Variants in TRIT1 observed in about 807,000 individuals in gnomAD.
The protein encoded by TRIT1 is tRNA dimethylallyltransferase.
Under a neutral mutation model 51.2 loss-of-function variants are expected in TRIT1, and 43 were observed. The ratio of observed to expected loss-of-function variants is 0.84; its 90% CI spans 0.66 to 1.08. TRIT1 has a LOEUF of 1.08. Among genes scored for constraint, TRIT1 ranks in the 50% least tolerant of loss-of-function variants. The pLI is 0.00. For missense variants in TRIT1, 528 were observed against 578.4 expected, an observed-to-expected ratio of 0.91 and a Z score of 0.89; for synonymous variants, 184 against 203.9, an observed-to-expected ratio of 0.90 and a Z score of 0.83.
intron 1 of TRIT1, among the ~76,000 whole-genome samples, chr1:39,879,292 C>G (rs1489228959): frequency 6.6e-6 from 1 of 151,808 alleles, no homozygotes; most frequent in Non-Finnish European, 1.5e-5. Flanking sequence ...AAAAAACTCC[C>G]TACTGATTGA....
chr1:39,844,071 G>A (rs769362318), intron 10 of TRIT1, 30 bp downstream of exon 10: 1 of 1,524,276 alleles, frequency 6.6e-7, no homozygotes, highest in Non-Finnish European at 9.1e-7. Flanking sequence ...CACCCTTATA[G>A]ATTTCTTCAT....
intron 1 of TRIT1, among the ~76,000 whole-genome samples, chr1:39,869,228 G>C (rs930059823): frequency 2.0e-5 from 3 of 152,154 alleles, no homozygotes; most frequent in Admixed American, 6.5e-5. Flanking sequence ...TCAGCCTGCC[G>C]AGTGCCTGGG....
At chr1:39,852,975 G>A (rs755287362) in intron 3 of TRIT1, 99 bp from the exon 4 acceptor site, 10 of 1,342,216 alleles carry the variant, frequency 7.5e-6, no homozygotes, top group Admixed American at 2.1e-5. Context: ...AGAATAATCA[G>A]AAGATCTTGC....
chr1:39,883,211 C>T (rs919969677), intron 1 of TRIT1, 107 bp downstream of exon 1: 2 of 1,234,790 alleles, frequency 1.6e-6, no homozygotes, highest in Non-Finnish European at 2.2e-6. Context: ...TTTACCTACC[C>T]CCTCCGCCCC....
Position 39,854,848 on chromosome 1 carries a change from AT to A in TRIT1, c.316-781del, listed in dbSNP as rs898379496. On this transcript the variant is annotated intron_variant, in intron 2 of 10. Coordinates refer to ENST00000316891, the MANE Select transcript of TRIT1 (RefSeq NM_017646.6). ...AAGGCGGCCTTTGCTCCTGAGAATAATTTTTTTTTTTGAGACAGGGTCTCAC... is the reference window on the plus strand; with the variant it reads ...AAGGCGGCCTTTGCTCCTGAGAATAATTTTTTTTTTGAGACAGGGTCTCAC... Among the ~76,000 whole-genome samples the A allele has an allele frequency of 3.3e-3, 485 of 148,408 alleles. 4 individuals carry two copies. Among genetic ancestry groups the A allele is most frequent in the African/African-American group, 0.011 (444 of 40,610 alleles).
intron 1 of TRIT1, among the ~76,000 whole-genome samples, chr1:39,868,557 T>C (rs1643676484): frequency 6.7e-6 from 1 of 149,178 alleles, no homozygotes; most frequent in Non-Finnish European, 1.5e-5. Flanking sequence ...GGCAGGAGAA[T>C]CACTTGAACC....
chr1:39,848,020 T>C lies in TRIT1; in HGVS notation c.781A>G (p.Arg261Gly), dbSNP rs771577841. 1 of 1,614,168 alleles carries C rather than the reference T, an allele frequency of 6.2e-7. No individual in the cohort carries two copies. The highest frequency in any genetic ancestry group is 8.5e-7 in the Non-Finnish European group (1 of 1,180,014). Reference protein sequence around the residue: ...GLLEELRDFHRRYNQKNVSEN... With the variant: ...GLLEELRDFHGRYNQKNVSEN... ...GAAACATTCTTCTGATTATAGCGTCTGTGAAAATCTCTTAGTTCCTCCAAG... is the reference window on the plus strand; with the variant it reads ...GAAACATTCTTCTGATTATAGCGTCCGTGAAAATCTCTTAGTTCCTCCAAG... The change falls in exon 6 of 11, where the codon AGA becomes GGA. Residue 261 changes from arginine (R) to glycine (G), a missense_variant. By Grantham distance (125) the Arg-to-Gly change is moderately radical (BLOSUM62 -2). Around this residue, in one of 3 missense-constraint regions of TRIT1, gnomAD observed 468 missense variants for 522.6 expected, o/e 0.90. Coordinates refer to ENST00000316891, the MANE Select transcript of TRIT1 (RefSeq NM_017646.6).
chr1:39,844,489 T>C, intron 9 of TRIT1, 42 bp downstream of exon 9: 1 of 1,509,528 alleles, frequency 6.6e-7, no homozygotes, highest in Non-Finnish European at 9.2e-7. Flanking sequence ...ATGAAAGTGC[T>C]CTGAAAACCA....
chr1:39,842,990 G>A (rs1168769824), intron 10 of TRIT1, among the ~76,000 whole-genome samples: 1 of 152,168 alleles, frequency 6.6e-6, no homozygotes. Context: ...CACACATGTT[G>A]CTTCTCTAAG....
At chr1:39,843,132 G>A (rs1057134160) in intron 10 of TRIT1, among the ~76,000 whole-genome samples, 1 of 152,122 alleles carries the variant, frequency 6.6e-6, no homozygotes, top group African/African-American at 2.4e-5. Flanking sequence ...TGCTGGTTGG[G>A]CAATCACAGC....
rs1387649757 is a variant in TRIT1 at position 39,883,464 on chromosome 1, C to T, written c.28G>A (p.Val10Ile). The change falls in exon 1 of 11, where the codon GTT becomes ATT. Residue 10 changes from valine (V) to isoleucine (I), a missense_variant. Around this residue, in one of 3 missense-constraint regions of TRIT1, gnomAD observed 55 missense variants for 37.0 expected, o/e 1.49. Transcript: ENST00000316891. MASVAAARAVPVGSGLRGLQ... is the reference protein window; with the variant it reads MASVAAARAIPVGSGLRGLQ... ...CCCCTGAGCCCACTGCCCACGGGAACTGCTCGTGCAGCCGCCACGGACGCC... is the reference window on the plus strand; with the variant it reads ...CCCCTGAGCCCACTGCCCACGGGAATTGCTCGTGCAGCCGCCACGGACGCC... The T allele has an allele frequency of 6.3e-7, 1 of 1,597,878 alleles. No homozygotes were observed. The highest frequency in any genetic ancestry group is 8.6e-7 in the Non-Finnish European group (1 of 1,167,200).
intron 1 of TRIT1, among the ~76,000 whole-genome samples, chr1:39,882,750 A>G (rs61781269): frequency 2.6e-5 from 4 of 152,156 alleles, no homozygotes; most frequent in Non-Finnish European, 5.9e-5. Context: ...TCCTCACTTC[A>G]CAGATATATA....
intron 1 of TRIT1, among the ~76,000 whole-genome samples, chr1:39,867,506 T>C (rs1643619824): frequency 6.6e-6 from 1 of 152,154 alleles, no homozygotes; most frequent in South Asian, 2.1e-4. Flanking sequence ...TTCTGAAGTA[T>C]CAATCTTACT....
At chr1:39,866,117 G>GAAGA (rs1441727991) in intron 1 of TRIT1, among the ~76,000 whole-genome samples, 2 of 150,458 alleles carry the variant, frequency 1.3e-5, no homozygotes, top group East Asian at 3.9e-4. Flanking sequence ...AGGAAGGAAG[G>GAAGA]AAGGAAGGAG....
intron 1 of TRIT1, among the ~76,000 whole-genome samples, chr1:39,880,398 A>G (rs547989544): frequency 1.5e-4 from 23 of 152,264 alleles, no homozygotes; most frequent in Admixed American, 4.6e-4. Context: ...ATGTTATTTC[A>G]AGTAGCTGGT....
At chr1:39,844,304 A>G in intron 9 of TRIT1, 86 bp from the exon 10 acceptor site, 1 of 1,236,782 alleles carries the variant, frequency 8.1e-7, no homozygotes, top group Non-Finnish European at 1.2e-6. Context: ...TTTTCCTAAA[A>G]TTCCTTTTTC....
chr1:39,847,274 T>C lies in TRIT1; in HGVS notation c.952A>G (p.Thr318Ala). ...TTTTGTTTCCGGGCATATCTCTTAG[T>C]TACTTGTTTCAGAGCCTCAATACCT... ...KKGIEALKQV[T>A]KRYARKQNRW... Residue 318 changes from threonine (T) to alanine (A), a missense_variant, in exon 8 of 11, where the codon ACT becomes GCT. Thr to Ala is a moderately conservative substitution (Grantham distance 58). This residue lies in a region of TRIT1 where 468 missense variants were observed against 522.6 expected (regional missense o/e 0.90). Transcript: ENST00000316891. The C allele has an allele frequency of 6.2e-7, 1 of 1,614,222 alleles. No homozygotes were observed. The highest frequency in any genetic ancestry group is 8.5e-7 in the Non-Finnish European group (1 of 1,180,046).
At chr1:39,848,544 G>A (rs981134078) in intron 5 of TRIT1, among the ~76,000 whole-genome samples, 4 of 150,928 alleles carry the variant, frequency 2.7e-5, no homozygotes, top group South Asian at 2.1e-4. Flanking sequence ...TCCTAGATAC[G>A]GCCGGGCAAG....
chr1:39,871,290 G>T (rs1643876273), intron 1 of TRIT1, among the ~76,000 whole-genome samples: 1 of 152,182 alleles, frequency 6.6e-6, no homozygotes, highest in African/African-American at 2.4e-5. Flanking sequence ...CAACATGGAA[G>T]AATTTTAAAC....
Sources: allele counts gnomAD v4.1 joint callset (sites outside exome capture counted in the v4.1 genomes callset), GRCh38; gene constraint gnomAD v4.1.1; regional missense constraint gnomAD v4.1.1; transcripts MANE v1.5; gene names NCBI Gene and HGNC (gene_info 2026-07-23, HGNC 2026-07-21).